Variants in BRD10 observed in about 807,000 individuals in gnomAD.
BRD10 encodes the protein bromodomain containing 10, also known as uncharacterized bromodomain-containing protein 10.
the BRD10 span, among the ~76,000 whole-genome samples, chr9:5,915,558 TTTCA>T: frequency 6.6e-6 from 1 of 152,302 alleles, no homozygotes; most frequent in African/African-American, 2.4e-5. Flanking sequence ...ACCTATAGCA[TTTCA>T]TTCAAATTCA....
chr9:5,967,185 A>T, the BRD10 span, among the ~76,000 whole-genome samples: 2 of 152,138 alleles, frequency 1.3e-5, no homozygotes, highest in South Asian at 2.1e-4. Context: ...TTTAATGTTA[A>T]TTCCACCTTT....
chr9:5,918,642 CTTTTT>C, the BRD10 span, among the ~76,000 whole-genome samples: 2 of 134,028 alleles, frequency 1.5e-5, no homozygotes, highest in Admixed American at 1.5e-4. Context: ...CCGTTAGTGG[CTTTTT>C]TTTTTTTTTT....
chr9:5,932,780 T>C, the BRD10 span, among the ~76,000 whole-genome samples: 1 of 152,152 alleles, frequency 6.6e-6, no homozygotes, highest in African/African-American at 2.4e-5. Flanking sequence ...TATACAATGC[T>C]GTATTTCTTG....
At chr9:5,924,693 G>A in the BRD10 span, 1 of 1,541,276 alleles carries the variant, frequency 6.5e-7, no homozygotes, top group Non-Finnish European at 8.8e-7. Flanking sequence ...GATATCCAGA[G>A]GTTCTGTTGA....
chr9:5,992,774 T>A, the BRD10 span, among the ~76,000 whole-genome samples: 4 of 152,212 alleles, frequency 2.6e-5, no homozygotes, highest in African/African-American at 9.6e-5. Flanking sequence ...ACATTCCAAA[T>A]TTCAGAATTC....
the BRD10 span, chr9:5,891,311 T>G: frequency 6.6e-6 from 1 of 152,248 alleles, no homozygotes. Flanking sequence ...AGGTATGGGA[T>G]GTATTAAAAC....
At chr9:6,008,071 G>A in the BRD10 span, 2 of 981,786 alleles carry the variant, frequency 2.0e-6, no homozygotes, top group Non-Finnish European at 2.4e-6. Flanking sequence ...GGCCCTCGCC[G>A]GCCTCACCCC....
the BRD10 span, chr9:5,968,589 A>G: frequency 6.2e-7 from 1 of 1,613,970 alleles, no homozygotes; most frequent in Non-Finnish European, 8.5e-7. Flanking sequence ...TTAGCAGGAC[A>G]GCAAGCTGGA....
the BRD10 span, chr9:6,007,923 C>T: frequency 7.5e-7 from 1 of 1,335,190 alleles, no homozygotes; most frequent in Non-Finnish European, 9.5e-7. Context: ...TCCTCAGCCG[C>T]CGGCTCGGCT....
At chr9:5,987,270 C>T in the BRD10 span, among the ~76,000 whole-genome samples, 1 of 152,080 alleles carries the variant, frequency 6.6e-6, no homozygotes, top group African/African-American at 2.4e-5. Flanking sequence ...AAGGAAGATA[C>T]TAAGTTCTAT....
chr9:5,988,814 T>C, the BRD10 span, among the ~76,000 whole-genome samples: 1 of 152,088 alleles, frequency 6.6e-6, no homozygotes, highest in African/African-American at 2.4e-5. Flanking sequence ...ATCTCTTTAA[T>C]AGAAAACAAA....
the BRD10 span, among the ~76,000 whole-genome samples, chr9:5,917,202 C>T: frequency 1.3e-5 from 2 of 152,128 alleles, no homozygotes; most frequent in African/African-American, 2.4e-5. Context: ...TGAAGAAGTG[C>T]TATGTTGTTC....
chr9:5,943,964 C>T, the BRD10 span, among the ~76,000 whole-genome samples: 1 of 152,062 alleles, frequency 6.6e-6, no homozygotes, highest in Non-Finnish European at 1.5e-5. Context: ...CAGAGTGCTA[C>T]CAACATGTCT....
At chr9:5,945,130 G>A in the BRD10 span, among the ~76,000 whole-genome samples, 2 of 152,100 alleles carry the variant, frequency 1.3e-5, no homozygotes, top group African/African-American at 2.4e-5. Flanking sequence ...TACTTGCTAT[G>A]ATGTATGAAC....
chr9:5,885,666 C>T, the BRD10 span, among the ~76,000 whole-genome samples: 2 of 152,370 alleles, frequency 1.3e-5, no homozygotes, highest in African/African-American at 4.8e-5. Flanking sequence ...AGCCACCGCA[C>T]CCGGCCCATA....
At chr9:5,954,849 G>C in the BRD10 span, among the ~76,000 whole-genome samples, 1 of 152,084 alleles carries the variant, frequency 6.6e-6, no homozygotes, top group South Asian at 2.1e-4. Flanking sequence ...CCAGCACTTT[G>C]GGAGGCCAAG....
the BRD10 span, among the ~76,000 whole-genome samples, chr9:5,939,466 T>A: frequency 6.6e-6 from 1 of 152,180 alleles, no homozygotes; most frequent in Non-Finnish European, 1.5e-5. Context: ...GAAGCTAAGG[T>A]CAAGAATCTT....
chr9:5,979,067 G>C, the BRD10 span, among the ~76,000 whole-genome samples: 1 of 152,108 alleles, frequency 6.6e-6, no homozygotes, highest in Non-Finnish European at 1.5e-5. Flanking sequence ...GTGTTATAGA[G>C]AATATGAAAA....
the BRD10 span, among the ~76,000 whole-genome samples, chr9:5,981,186 T>C: frequency 5.3e-4 from 80 of 152,194 alleles, no homozygotes; most frequent in Non-Finnish European, 9.4e-4. Context: ...TGGAGAGACC[T>C]GGGAGGTAAT....
Sources: allele counts gnomAD v4.1 joint callset (sites outside exome capture counted in the v4.1 genomes callset), GRCh38; gene constraint gnomAD v4.1.1; transcripts MANE v1.5; gene names NCBI Gene and HGNC (gene_info 2026-07-23, HGNC 2026-07-21).